Variants in FAM200B observed in about 807,000 individuals in gnomAD.
FAM200B encodes the protein protein FAM200B.
A neutral mutation model predicts 33.1 loss-of-function variants in FAM200B; 32 were observed. The observed-to-expected ratio is 0.97, with a 90% CI of 0.73 to 1.30. The LOEUF (loss-of-function observed/expected upper bound fraction) is 1.30. Ranked by LOEUF, FAM200B falls within the 50% of genes most tolerant of loss-of-function variation. The pLI is 0.00. For synonymous variants in FAM200B, 240 were observed against 264.8 expected (o/e 0.91, Z 0.91); for missense variants, 741 against 754.0 (o/e 0.98, Z 0.20).
At chr4:15,648,883 G>T in the FAM200B span, among the ~76,000 whole-genome samples, 8 of 152,124 alleles carry the variant, frequency 5.3e-5, no homozygotes, top group Non-Finnish European at 7.3e-5. Flanking sequence ...CACACAAAGG[G>T]TAATCGTTTG....
chr4:15,672,207 G>C, the FAM200B span, among the ~76,000 whole-genome samples: 11 of 152,226 alleles, frequency 7.2e-5, no homozygotes, highest in Non-Finnish European at 1.6e-4. Flanking sequence ...GTTTCCCACA[G>C]CTGAGGCAAG....
At chr4:15,673,856 A>C in the FAM200B span, among the ~76,000 whole-genome samples, 1 of 152,178 alleles carries the variant, frequency 6.6e-6, no homozygotes, top group South Asian at 2.1e-4. Flanking sequence ...CTCTCCCTGT[A>C]CTATGGCTTA....
chr4:15,637,445 G>A, the FAM200B span, among the ~76,000 whole-genome samples: 1 of 152,172 alleles, frequency 6.6e-6, no homozygotes, highest in Non-Finnish European at 1.5e-5. Flanking sequence ...TGAAGAATTT[G>A]AGTACTTTAT....
chr4:15,663,360 ACT>A, the FAM200B span, among the ~76,000 whole-genome samples: 22 of 152,240 alleles, frequency 1.4e-4, 1 homozygote, highest in Middle Eastern at 0.01. Flanking sequence ...ACCATAATAG[ACT>A]CTAGTCTCAG....
At chr4:15,638,796 T>C in the FAM200B span, 4 of 686,870 alleles carry the variant, frequency 5.8e-6, no homozygotes, top group African/African-American at 3.7e-5. Flanking sequence ...ATTATGACCA[T>C]ATATCTCAAA....
the FAM200B span, chr4:15,638,673 C>G: frequency 2.5e-6 from 4 of 1,594,226 alleles, no homozygotes; most frequent in African/African-American, 1.4e-5. Context: ...GTAAAATATT[C>G]CATTAACATG....
the FAM200B span, among the ~76,000 whole-genome samples, chr4:15,676,065 G>T: frequency 6.6e-6 from 1 of 152,218 alleles, no homozygotes; most frequent in Admixed American, 6.5e-5. Context: ...TTAACTTTCT[G>T]GATCTTAGCT....
At chr4:15,674,800 C>A in the FAM200B span, among the ~76,000 whole-genome samples, 2 of 152,032 alleles carry the variant, frequency 1.3e-5, no homozygotes, top group Non-Finnish European at 2.9e-5. Context: ...CAGGCGCATG[C>A]CACCATGCCT....
At chr4:15,653,531 C>T in the FAM200B span, among the ~76,000 whole-genome samples, 1 of 152,130 alleles carries the variant, frequency 6.6e-6, no homozygotes, top group African/African-American at 2.4e-5. Flanking sequence ...GACACACGCA[C>T]AAAATTTTCC....
chr4:15,665,606 C>T, the FAM200B span, among the ~76,000 whole-genome samples: 4 of 152,166 alleles, frequency 2.6e-5, no homozygotes, highest in Admixed American at 1.3e-4. Flanking sequence ...TTCTTCCCAA[C>T]TCCACTGCCT....
At chr4:15,683,050 G>A (rs571239105) in intron 1 of FAM200B, among the ~76,000 whole-genome samples, 1 of 152,270 alleles carries the variant, frequency 6.6e-6, no homozygotes, top group Non-Finnish European at 1.5e-5. Flanking sequence ...ATGATACAGC[G>A]CACTAGAGAT....
chr4:15,686,902 T>C lies in FAM200B; in HGVS notation c.-76T>C, dbSNP rs1718897865. The C allele has an allele frequency of 2.8e-6, 2 of 718,434 alleles. No individual in the cohort carries two copies. The highest frequency in any genetic ancestry group is 4.3e-6 in the Non-Finnish European group (2 of 464,624). The allele number at this position is 718,434 out of a possible 1,614,324, so 44.5% of individuals were successfully genotyped here. A position where few individuals can be genotyped will look rare whatever the true frequency, so the allele number is the denominator to read the frequency against. ...GTTTTTGAAAAGATGTTATTTAGAC[T>C]GTATATTTTTTTCTTCTTTTTTGAG... is the stretch of plus-strand genomic sequence containing the variant. On this transcript the variant is annotated 5_prime_UTR_variant, in exon 2 of 2. Transcript: ENST00000422728.
the FAM200B span, among the ~76,000 whole-genome samples, chr4:15,640,599 A>C: frequency 1.3e-5 from 2 of 152,198 alleles, no homozygotes; most frequent in East Asian, 3.9e-4. Context: ...GAAAAGCAAC[A>C]ACCTTTCTGA....
the FAM200B span, among the ~76,000 whole-genome samples, chr4:15,670,831 G>A: frequency 9.3e-5 from 14 of 150,908 alleles, no homozygotes; most frequent in Middle Eastern, 3.5e-3. Flanking sequence ...CTGGTACAAC[G>A]GATCTACTGA....
At chr4:15,644,545 T>C in the FAM200B span, 1 of 1,614,110 alleles carries the variant, frequency 6.2e-7, no homozygotes, top group Non-Finnish European at 8.5e-7. Context: ...GGAGAGTTTA[T>C]TGTCAGAATG....
the FAM200B span, among the ~76,000 whole-genome samples, chr4:15,643,208 G>A: frequency 6.6e-6 from 1 of 152,080 alleles, no homozygotes; most frequent in Non-Finnish European, 1.5e-5. Context: ...TATTCTTCCA[G>A]AAACTATTAG....
upstream of FAM200B, among the ~76,000 whole-genome samples, chr4:15,676,692 C>T (rs769584777): frequency 3.4e-5 from 5 of 148,306 alleles, no homozygotes; most frequent in African/African-American, 5.0e-5. Context: ...ATGAGTATTA[C>T]GGGGGGGAGG....
the FAM200B span, among the ~76,000 whole-genome samples, chr4:15,674,616 A>G: frequency 6.6e-6 from 1 of 151,064 alleles, no homozygotes; most frequent in Admixed American, 6.6e-5. Flanking sequence ...ACTCATTTCT[A>G]TCATCTTAGA....
the FAM200B span, among the ~76,000 whole-genome samples, chr4:15,653,557 A>T: frequency 6.6e-6 from 1 of 152,094 alleles, no homozygotes; most frequent in Non-Finnish European, 1.5e-5. Flanking sequence ...ATTTCAGGTG[A>T]TCCTAGGCTA....
Sources: allele counts gnomAD v4.1 joint callset (sites outside exome capture counted in the v4.1 genomes callset), GRCh38; gene constraint gnomAD v4.1.1; transcripts MANE v1.5; gene names NCBI Gene and HGNC (gene_info 2026-07-23, HGNC 2026-07-21).